ASTN2: variants seen among roughly 807,000 people sequenced by gnomAD.
ASTN2 encodes the protein astrotactin 2, also known as astrotactin-2.
Under a neutral mutation model 139.8 loss-of-function variants are expected in ASTN2, and 54 were observed. That is an observed-to-expected ratio of 0.39 (90% CI 0.31 to 0.48). The LOEUF (loss-of-function observed/expected upper bound fraction) is 0.48, where lower values mean the gene tolerates loss of function less well. ASTN2 is among the 20% of genes least tolerant of loss of function. The pLI is 0.95. For missense variants in ASTN2, 1,565 were observed against 1,725.1 expected (o/e 0.91, Z 1.64); for synonymous variants, 756 against 719.5 (o/e 1.05, Z -0.81).
rs777110882 is a variant in ASTN2, at chr9:116,698,472, G to C, written c.2806+27299C>G. The C allele has an allele frequency of 6.2e-7, 1 of 1,613,876 alleles. No homozygotes were observed. The highest frequency in any genetic ancestry group is 8.5e-7 in the Non-Finnish European group (1 of 1,180,000). ...TGTGTCTCGCTGTGACTACTTCCTG[G>C]CCAAGATCAAGCAGGCAGATGTAGC... On this transcript the variant is annotated intron_variant, in intron 16 of 22. Coordinates refer to ENST00000313400, the MANE Select transcript of ASTN2 (RefSeq NM_001365068.1). The surrounding 1 kb of genome is among the most constrained non-coding windows in gnomAD (Gnocchi z 4.4).
At chr9:116,735,792 A>G (rs1828911512) in intron 13 of ASTN2, among the ~76,000 whole-genome samples, 1 of 152,224 alleles carries the variant, frequency 6.6e-6, no homozygotes, top group Non-Finnish European at 1.5e-5. Context: ...AGAAGAGCCT[A>G]TGAGGACTGG....
At chr9:116,764,245 C>T (rs1829748274) in intron 13 of ASTN2, among the ~76,000 whole-genome samples, 1 of 152,190 alleles carries the variant, frequency 6.6e-6, no homozygotes, top group Non-Finnish European at 1.5e-5. Flanking sequence ...CTTATGGGGA[C>T]TGCCTCGGCC....
At chr9:117,073,429 C>T (rs1828188988) in intron 5 of ASTN2, among the ~76,000 whole-genome samples, 1 of 152,178 alleles carries the variant, frequency 6.6e-6, no homozygotes, top group African/African-American at 2.4e-5. Flanking sequence ...TGTCCACCCT[C>T]CAGTCCAGGC....
chr9:116,535,843 T>C (rs576072300), intron 19 of ASTN2, among the ~76,000 whole-genome samples: 12 of 152,274 alleles, frequency 7.9e-5, no homozygotes, highest in Middle Eastern at 3.4e-3. Flanking sequence ...CTTGGAGTTG[T>C]TCTTCTTGAG....
At chr9:117,017,491 G>C (rs113415862) in intron 6 of ASTN2, among the ~76,000 whole-genome samples, 2 of 152,128 alleles carry the variant, frequency 1.3e-5, no homozygotes, top group Admixed American at 6.6e-5. Context: ...GGAGTCTAAC[G>C]GGAACAGATT....
At chr9:116,879,032 C>A (rs755377290) in intron 10 of ASTN2, among the ~76,000 whole-genome samples, 4 of 151,792 alleles carry the variant, frequency 2.6e-5, no homozygotes, top group Admixed American at 1.3e-4. Flanking sequence ...AGGGGGTTGC[C>A]GTGAGCCAGG....
chr9:117,344,161 C>T (rs77982440), intron 1 of ASTN2, among the ~76,000 whole-genome samples: 5 of 150,710 alleles, frequency 3.3e-5, no homozygotes, highest in East Asian at 4.0e-4. Flanking sequence ...CAGAACTACA[C>T]AGCCTTCCAC....
rs1020218709 is a variant in ASTN2 at position 116,725,820 on chromosome 9, G to C, written c.2757C>G (p.His919Gln). Residue 919 changes from histidine to glutamine, a missense_variant, in exon 16 of 23, where the codon CAC (histidine) becomes CAG (glutamine). Coordinates refer to ENST00000313400, the MANE Select transcript of ASTN2 (RefSeq NM_001365068.1). ...LYGSELTCII[H>Q]FPSKKVQQQL... ...GCTGCTGGACCTTCTTGCTGGGAAAGTGGATGATGCAGGTGAGCTCTGAGC... is the reference window on the plus strand; with the variant it reads ...GCTGCTGGACCTTCTTGCTGGGAAACTGGATGATGCAGGTGAGCTCTGAGC... 1.2e-6 allele frequency: 2 copies of C among 1,613,968 alleles called. No individual in the cohort carries two copies. The highest frequency in any genetic ancestry group is 2.7e-5 in the African/African-American group (2 of 75,038).
rs79873666 is a variant in ASTN2 at position 116,484,450 on chromosome 9, G to A, written c.3497+2909C>T. On this transcript the variant is annotated intron_variant, in intron 20 of 22. Transcript: ENST00000313400. Reference sequence around the variant, plus strand: ...CAAGGCCTGTGCTATTTCTACTGCCGCACACAGTCTTCTTGGCTCAAGAGG... The same window carrying A: ...CAAGGCCTGTGCTATTTCTACTGCCACACACAGTCTTCTTGGCTCAAGAGG... Among the ~76,000 whole-genome samples the A allele has an allele frequency of 0.016, 2,387 of 152,220 alleles. 275 individuals are homozygous for A. In the South Asian group the frequency reaches 0.26, roughly 17 times the overall value.
At position 116,805,665 on chromosome 9, in the gene ASTN2, A is replaced by C; in HGVS notation, c.2363T>G (p.Val788Gly). Residue 788 changes from valine (V) to glycine (G), a missense_variant, in exon 13 of 23, where the codon GTG becomes GGG. Physicochemically the swap from Val to Gly is moderately radical, Grantham distance 109. Around this residue, in one of 4 missense-constraint regions of ASTN2, gnomAD observed 503 missense variants for 591.7 expected, o/e 0.85. Transcript: ENST00000313400. ...LHGYNNRTQHVNQGQVFQMTF... is the reference protein window; with the variant it reads ...LHGYNNRTQHGNQGQVFQMTF... ...CATCTGGAAGACTTGGCCTTGGTTC[A>C]CATGCTGGGTCCGGTTGTTGTAACC... is the stretch of plus-strand genomic sequence containing the variant. 2 of 1,613,816 alleles carry C rather than the reference A, an allele frequency of 1.2e-6. No homozygotes were observed. Among genetic ancestry groups the C allele is most frequent in the East Asian group, 4.5e-5 (2 of 44,894 alleles).
chr9:116,457,230 A>T (rs1323801763), intron 20 of ASTN2, among the ~76,000 whole-genome samples: 1 of 152,274 alleles, frequency 6.6e-6, no homozygotes, highest in East Asian at 1.9e-4. Context: ...TACATCTAAG[A>T]CCTCATATTA....
At chr9:116,509,007 A>T (rs183791493) in intron 19 of ASTN2, among the ~76,000 whole-genome samples, 99 of 152,080 alleles carry the variant, frequency 6.5e-4, no homozygotes, top group African/African-American at 2.2e-3. Context: ...GAATTTTTTT[A>T]TATATATATT....
At chr9:116,531,295 T>C (rs941998883) in intron 19 of ASTN2, among the ~76,000 whole-genome samples, 12 of 152,332 alleles carry the variant, frequency 7.9e-5, no homozygotes, top group Middle Eastern at 3.4e-3. Context: ...TACTCAAATA[T>C]GGCAATAGGG....
rs1054744577 is a variant in ASTN2 at position 116,603,072 on chromosome 9, T to C, written c.3355+15252A>G. ...CTGTGTTTTTCTGTAGCTGCGTGAC[T>C]GTACCATCACAGAAGATGGAGAGTT... On this transcript the variant is annotated intron_variant, in intron 19 of 22. Transcript: ENST00000313400. Among the ~76,000 whole-genome samples the C allele has an allele frequency of 1.7e-4, 26 of 152,216 alleles. 1 individual carries two copies. Among genetic ancestry groups the C allele is most frequent in the African/African-American group, 6.3e-4 (26 of 41,460 alleles).
intron 4 of ASTN2, among the ~76,000 whole-genome samples, chr9:117,140,894 A>G (rs936590272): frequency 4.6e-5 from 7 of 151,738 alleles, no homozygotes; most frequent in African/African-American, 1.5e-4. Context: ...TTACAATACC[A>G]CTCTTGATCA....
intron 16 of ASTN2, among the ~76,000 whole-genome samples, chr9:116,667,604 A>G (rs1232646425): frequency 2.0e-5 from 3 of 152,226 alleles, no homozygotes; most frequent in Non-Finnish European, 2.9e-5. Flanking sequence ...ACATTGAGAA[A>G]AGACGGCTGC....
At chr9:117,311,045 A>G (rs1338471338) in intron 1 of ASTN2, among the ~76,000 whole-genome samples, 2 of 152,032 alleles carry the variant, frequency 1.3e-5, no homozygotes, top group African/African-American at 2.4e-5. Flanking sequence ...CTCTTCCCCT[A>G]CTGGGGCTCC....
chr9:117,180,698 G>A, intron 3 of ASTN2: 3 of 1,582,138 alleles, frequency 1.9e-6, no homozygotes, highest in Non-Finnish European at 2.6e-6. Flanking sequence ...CACAGTGGAA[G>A]CCCTCATGAG....
intron 13 of ASTN2, among the ~76,000 whole-genome samples, chr9:116,788,931 G>A (rs1338730132): frequency 6.6e-6 from 1 of 152,194 alleles, no homozygotes; most frequent in Non-Finnish European, 1.5e-5. Context: ...AGCTCTTGAT[G>A]TGTACTGATT....
Sources: allele counts gnomAD v4.1 joint callset (sites outside exome capture counted in the v4.1 genomes callset), GRCh38; gene constraint gnomAD v4.1.1; regional missense constraint gnomAD v4.1.1; non-coding constraint Gnocchi (gnomAD v3.1); transcripts MANE v1.5; gene names NCBI Gene and HGNC (gene_info 2026-07-23, HGNC 2026-07-21).